HACE1: variants seen among roughly 807,000 people sequenced by gnomAD.
HACE1 encodes HECT domain and ankyrin repeat containing E3 ubiquitin protein ligase 1, also known as E3 ubiquitin-protein ligase HACE1.
A neutral mutation model predicts 118.4 loss-of-function variants in HACE1; 73 were observed. The ratio of observed to expected loss-of-function variants is 0.62; its 90% CI spans 0.51 to 0.75. The LOEUF is 0.75. Among genes scored for constraint, HACE1 ranks in the 30% least tolerant of loss-of-function variants. The pLI is 0.00. For missense variants in HACE1, 749 were observed against 1,102.2 expected (o/e 0.68, Z 4.54); for synonymous variants, 368 against 374.8 (o/e 0.98, Z 0.21).
At chr6:104,810,753 C>G (rs1197855713) in intron 7 of HACE1, among the ~76,000 whole-genome samples, 1 of 151,878 alleles carries the variant, frequency 6.6e-6, no homozygotes, top group Admixed American at 6.6e-5. Flanking sequence ...ATGTACACGT[C>G]AAGAAAATGA....
chr6:104,777,232 T>G lies in HACE1; in HGVS notation c.1652A>C (p.Glu551Ala), dbSNP rs148740081. ...TCTGTGAACCAGCAGGATATCATTT[T>G]CATTCACTGGCCTGTGCACCATATC... ...DSDMVHRPVNENDILLVHRDS... is the reference protein window; with the variant it reads ...DSDMVHRPVNANDILLVHRDS... Residue 551 changes from glutamate to alanine, a missense_variant, in exon 15 of 24, where the codon GAA becomes GCA. Physicochemically the swap from Glu to Ala is moderately radical, Grantham distance 107. Coordinates refer to ENST00000262903, the MANE Select transcript of HACE1 (RefSeq NM_020771.4). 1 of 1,612,816 alleles carries G rather than the reference T, an allele frequency of 6.2e-7. No individual in the cohort carries two copies. Among genetic ancestry groups the G allele is most frequent in the East Asian group, 2.2e-5 (1 of 44,852 alleles).
intron 22 of HACE1, among the ~76,000 whole-genome samples, chr6:104,740,609 G>A (rs1776552953): frequency 6.6e-6 from 1 of 151,450 alleles, no homozygotes; most frequent in Non-Finnish European, 1.5e-5. Flanking sequence ...GACTAAACTA[G>A]GAAGAAGTTG....
At chr6:104,791,682 TAGAGTA>T (rs1783041965) in intron 10 of HACE1, 28 bp from the exon 11 acceptor site, 1 of 1,448,354 alleles carries the variant, frequency 6.9e-7, no homozygotes. Context: ...AATATGAGAT[TAGAGTA>T]AAACAAATTA....
rs373665355 is a variant in HACE1 at position 104,761,553 on chromosome 6, C to T, written c.2211+9640G>A. 4.9e-4 allele frequency among the ~76,000 whole-genome samples: 74 copies of T among 152,186 alleles called. No homozygotes were observed. The East Asian group carries it at 0.013, about 26-fold the overall frequency. ...ACTTTATACAAAAATCAACTCAAGACGGATGAAAGACTTAAACGTAAGACC... is the reference window on the plus strand; with the variant it reads ...ACTTTATACAAAAATCAACTCAAGATGGATGAAAGACTTAAACGTAAGACC... On this transcript the variant is annotated intron_variant, in intron 19 of 23. Transcript: ENST00000262903.
chr6:104,827,316 C>T (rs148476677), intron 6 of HACE1, among the ~76,000 whole-genome samples: 127 of 152,164 alleles, frequency 8.3e-4, no homozygotes, highest in African/African-American at 3.0e-3. Context: ...AAAAAGTGTC[C>T]TTACTTTTTT....
chr6:104,805,785 C>T (rs1011966692), intron 7 of HACE1, among the ~76,000 whole-genome samples: 5 of 152,058 alleles, frequency 3.3e-5, no homozygotes, highest in African/African-American at 1.2e-4. Flanking sequence ...AGCAAACCAA[C>T]ATGGCACATG....
intron 17 of HACE1, among the ~76,000 whole-genome samples, chr6:104,776,237 T>A (rs1209735581): frequency 6.6e-6 from 1 of 152,224 alleles, no homozygotes; most frequent in South Asian, 2.1e-4. Flanking sequence ...AAATTTTATA[T>A]CATGATTTCT....
At chr6:104,829,533 C>T (rs1773652060) in intron 6 of HACE1, among the ~76,000 whole-genome samples, 1 of 152,086 alleles carries the variant, frequency 6.6e-6, no homozygotes, top group African/African-American at 2.4e-5. Context: ...AAGATACATA[C>T]AATGATTCAG....
intron 11 of HACE1, among the ~76,000 whole-genome samples, chr6:104,789,857 A>G (rs1782829252): frequency 6.6e-6 from 1 of 152,196 alleles, no homozygotes; most frequent in African/African-American, 2.4e-5. Flanking sequence ...GCCAGAACAC[A>G]TTAAAAACAA....
At chr6:104,851,049 T>A in intron 2 of HACE1, 53 bp from the exon 3 acceptor site, 1 of 1,012,548 alleles carries the variant, frequency 9.9e-7, no homozygotes, top group South Asian at 1.3e-5. Context: ...TTTAAAAACA[T>A]AATAAATCAA....
chr6:104,737,688 G>A (rs1253162141), intron 22 of HACE1, among the ~76,000 whole-genome samples: 1 of 152,144 alleles, frequency 6.6e-6, no homozygotes, highest in Non-Finnish European at 1.5e-5. Flanking sequence ...ACCCCACGGA[G>A]TCTCGCTGAT....
chr6:104,737,016 G>A (rs1475869248), intron 22 of HACE1, among the ~76,000 whole-genome samples: 4 of 151,838 alleles, frequency 2.6e-5, no homozygotes, highest in Non-Finnish European at 5.9e-5. Flanking sequence ...AGGCACGGTG[G>A]CTCACACCTG....
chr6:104,729,605 A>G lies in HACE1; in HGVS notation c.*57T>C. 1.1e-6 allele frequency: 1 copy of G among 894,674 alleles called. No homozygotes were observed. The highest frequency in any genetic ancestry group is 1.9e-6 in the Non-Finnish European group (1 of 525,038). The allele number at this position is 894,674 out of a possible 1,614,324, so 55.4% of individuals were successfully genotyped here. ...TGCTTTTTTGTTGACATTTTCCCAA[A>G]TTACTTCTGCCATTCTGAATTGTGC... On this transcript the variant is annotated 3_prime_UTR_variant, in exon 24 of 24. Coordinates refer to ENST00000262903, the MANE Select transcript of HACE1 (RefSeq NM_020771.4).
At chr6:104,832,021 A>C (rs918680557) in intron 6 of HACE1, among the ~76,000 whole-genome samples, 24 of 145,212 alleles carry the variant, frequency 1.7e-4, no homozygotes, top group Admixed American at 1.6e-3. Flanking sequence ...GAAGGAAGGA[A>C]GGAAGGAAGG....
intron 19 of HACE1, among the ~76,000 whole-genome samples, chr6:104,759,970 A>G (rs948100821): frequency 6.6e-6 from 1 of 152,204 alleles, no homozygotes; most frequent in African/African-American, 2.4e-5. Flanking sequence ...AAATTCCTAG[A>G]CACATACACC....
At chr6:104,804,641 A>G (rs1024311595) in intron 7 of HACE1, among the ~76,000 whole-genome samples, 47 of 152,232 alleles carry the variant, frequency 3.1e-4, no homozygotes, top group Non-Finnish European at 4.0e-4. Context: ...GTGCTGGGAA[A>G]ACTGGCTAGC....
intron 4 of HACE1, among the ~76,000 whole-genome samples, chr6:104,844,662 CTT>C (rs775303598): frequency 2.9e-5 from 4 of 136,662 alleles, no homozygotes; most frequent in Non-Finnish European, 3.2e-5. Flanking sequence ...CCATCACAAC[CTT>C]TTTTTTTTTT....
intron 3 of HACE1, among the ~76,000 whole-genome samples, chr6:104,849,865 T>A (rs1776024942): frequency 6.6e-6 from 1 of 150,936 alleles, no homozygotes; most frequent in Non-Finnish European, 1.5e-5. Flanking sequence ...TTAGCCAGGA[T>A]GGTCTCAATC....
intron 22 of HACE1, among the ~76,000 whole-genome samples, chr6:104,736,720 A>T (rs1274277178): frequency 1.3e-5 from 2 of 152,208 alleles, no homozygotes; most frequent in Admixed American, 1.3e-4. Context: ...ATATTATCAT[A>T]AAAATACTGC....
Sources: gnomAD v4.1 joint callset for allele counts (sites outside exome capture counted in the v4.1 genomes callset) on GRCh38, gnomAD v4.1.1 for gene constraint, MANE v1.5 for transcripts, NCBI Gene and HGNC (gene_info 2026-07-23, HGNC 2026-07-21) for gene names.